Variants in PTGFRN observed in about 807,000 individuals in gnomAD.
The protein encoded by PTGFRN is prostaglandin F2 receptor inhibitor.
A neutral mutation model predicts 83.2 loss-of-function variants in PTGFRN; 35 were observed. The observed-to-expected ratio is 0.42, with a 90% confidence interval of 0.32 to 0.56. PTGFRN has a LOEUF of 0.56. Ranked by LOEUF, PTGFRN falls within the 20% of genes least tolerant of loss-of-function variation. The pLI is 0.11. For synonymous variants in PTGFRN, 519 were observed against 498.6 expected, an observed-to-expected ratio of 1.04 and a Z score of -0.55; for missense variants, 1,051 against 1,179.5, an observed-to-expected ratio of 0.89 and a Z score of 1.60.
At chr1:116,949,106 TAAAAG>T (rs1260221669) in intron 3 of PTGFRN, 81 bp from the exon 4 acceptor site, 3 of 1,482,838 alleles carry the variant, frequency 2.0e-6, no homozygotes, top group Admixed American at 2.3e-5. Flanking sequence ...AATAAGAACT[TAAAAG>T]GAGATGCTTT....
At chr1:116,916,389 T>C (rs1649406988) in intron 1 of PTGFRN, among the ~76,000 whole-genome samples, 1 of 152,116 alleles carries the variant, frequency 6.6e-6, no homozygotes, top group Admixed American at 6.5e-5. Flanking sequence ...CCTAATGAAA[T>C]AGAGATAGTG....
rs1419556485 is a variant in PTGFRN, at chr1:116,923,149, A to T, written c.49+12897A>T. On this transcript the variant is annotated intron_variant, in intron 1 of 8. Coordinates refer to ENST00000393203, the MANE Select transcript of PTGFRN (RefSeq NM_020440.4). This position sits in a 1 kb window ranked among gnomAD's most constrained non-coding sequence, Gnocchi z 4.0. ...CCGTAAGCAGCTCGAAAGCAGGATC[A>T]TGTCTGTTTTTGCTTACCCCAGCAT... 6.6e-6 allele frequency among the ~76,000 whole-genome samples: 1 copy of T among 152,186 alleles called. No homozygotes were observed. The highest frequency in any genetic ancestry group is 1.5e-5 in the Non-Finnish European group (1 of 68,014).
intron 3 of PTGFRN, 152 bp downstream of exon 3, chr1:116,945,244 T>C: frequency 9.7e-7 from 1 of 1,031,112 alleles, no homozygotes; most frequent in South Asian, 1.8e-5. Flanking sequence ...GGGAGTAGGG[T>C]GTTGAGAGGT....
At chr1:116,947,171 ATCC>A (rs1650221729) in intron 3 of PTGFRN, among the ~76,000 whole-genome samples, 1 of 152,312 alleles carries the variant, frequency 6.6e-6, no homozygotes, top group East Asian at 1.9e-4. Flanking sequence ...CACCTGCACT[ATCC>A]ATAGCTGGCT....
chr1:116,949,651 G>A, intron 4 of PTGFRN, 79 bp downstream of exon 4: 3 of 1,515,844 alleles, frequency 2.0e-6, no homozygotes, highest in Non-Finnish European at 2.6e-6. Context: ...TATCTCAGGA[G>A]GCTCTGCGCT....
In PTGFRN at chr1:116,909,947, C is replaced by T; in HGVS notation, c.-257C>T. On this transcript the variant is annotated 5_prime_UTR_variant, in exon 1 of 9. Transcript: ENST00000393203. ...TGCTTTCGGGAAGCGGTCGGGGCTG[C>T]ACACTCGGATCGGCGGGGCCGGCTC... The T allele has an allele frequency of 1.8e-6, 1 of 556,992 alleles. No homozygotes were observed. The highest frequency in any genetic ancestry group is 3.2e-6 in the Non-Finnish European group (1 of 315,456). The allele number at this position is 556,992 out of a possible 1,614,324, so 34.5% of individuals were successfully genotyped here. A position where few individuals can be genotyped will look rare whatever the true frequency, so the allele number is the denominator to read the frequency against.
chr1:116,967,773 A>T (rs1431382252), intron 6 of PTGFRN, among the ~76,000 whole-genome samples: 2 of 152,182 alleles, frequency 1.3e-5, no homozygotes, highest in Non-Finnish European at 2.9e-5. Flanking sequence ...GTTCATTTTT[A>T]TGACTGAATA....
chr1:116,942,740 A>G (rs1455489500), intron 2 of PTGFRN, among the ~76,000 whole-genome samples: 2 of 152,140 alleles, frequency 1.3e-5, no homozygotes, highest in African/African-American at 4.8e-5. Flanking sequence ...TGCAAATATT[A>G]CACCTTATGT....
chr1:116,922,769 G>A (rs975922243), intron 1 of PTGFRN, among the ~76,000 whole-genome samples: 2 of 152,222 alleles, frequency 1.3e-5, no homozygotes, highest in East Asian at 1.9e-4. Flanking sequence ...AGACAAAGAA[G>A]TGTGAAAACT....
At chr1:116,933,775 A>G (rs1649855171) in intron 1 of PTGFRN, among the ~76,000 whole-genome samples, 1 of 152,130 alleles carries the variant, frequency 6.6e-6, no homozygotes, top group African/African-American at 2.4e-5. Context: ...TCTCATGAGC[A>G]TCATTTCCGT....
rs1649454965 is a variant in PTGFRN, at chr1:116,918,207, A to G, written c.49+7955A>G. On this transcript the variant is annotated intron_variant, in intron 1 of 8. Coordinates refer to ENST00000393203, the MANE Select transcript of PTGFRN (RefSeq NM_020440.4). The surrounding 1 kb of genome is among the most constrained non-coding windows in gnomAD (Gnocchi z 4.1). ...AGCCTTACTTCATCTCCCAATTAAA[A>G]GAGGAAAAAATAGGATTCAGGCTTC... is the stretch of plus-strand genomic sequence containing the variant. 6.6e-6 allele frequency among the ~76,000 whole-genome samples: 1 copy of G among 152,208 alleles called. No homozygotes were observed. Among genetic ancestry groups the G allele is most frequent in the African/African-American group, 2.4e-5 (1 of 41,458 alleles).
At chr1:116,913,385 T>C (rs1317449659) in intron 1 of PTGFRN, among the ~76,000 whole-genome samples, 1 of 150,184 alleles carries the variant, frequency 6.7e-6, no homozygotes, top group Non-Finnish European at 1.5e-5. Context: ...GGCACGTAAG[T>C]TCCCTGTAGC....
rs895570390 is a variant in PTGFRN at position 116,952,029 on chromosome 1, A to C, written c.1213+2457A>C. Reference sequence around the variant, plus strand: ...ATGTTGTCACAGAAAAGTTTTCGAGAGAGTTGGTTTGCTACACAGGTAAAA... The same window carrying C: ...ATGTTGTCACAGAAAAGTTTTCGAGCGAGTTGGTTTGCTACACAGGTAAAA... On this transcript the variant is annotated intron_variant, in intron 4 of 8. Transcript: ENST00000393203. This position sits in a 1 kb window ranked among gnomAD's most constrained non-coding sequence, Gnocchi z 4.0. 1.4e-3 allele frequency among the ~76,000 whole-genome samples: 216 copies of C among 152,334 alleles called. 2 individuals are homozygous for C. Among genetic ancestry groups the C allele is most frequent in the African/African-American group, 4.8e-3 (201 of 41,576 alleles).
chr1:116,941,652 C>T lies in PTGFRN; in HGVS notation c.50-63C>T. 1 of 1,538,836 alleles carries T rather than the reference C, an allele frequency of 6.5e-7. No individual in the cohort carries two copies. The highest frequency in any genetic ancestry group is 8.7e-7 in the Non-Finnish European group (1 of 1,147,096). On this transcript the variant is annotated intron_variant, in intron 1 of 8. Transcript: ENST00000393203. The surrounding 1 kb of genome is among the most constrained non-coding windows in gnomAD (Gnocchi z 5.0). ...TGAGCAGGAGCATCCACAGGTTTGC[C>T]ACATTTGTCCTGGGAAGACTTTCTG... is the stretch of plus-strand genomic sequence containing the variant.
chr1:116,973,731 T>G (rs1248539047), intron 6 of PTGFRN, among the ~76,000 whole-genome samples: 1 of 152,182 alleles, frequency 6.6e-6, no homozygotes, highest in Non-Finnish European at 1.5e-5. Context: ...ATGTCTGTCT[T>G]CTTACCAGAT....
At chr1:116,974,593 CT>C in intron 7 of PTGFRN, 1 of 377,448 alleles carries the variant, frequency 2.6e-6, no homozygotes, top group Non-Finnish European at 4.7e-6. Context: ...CTATTTCAGG[CT>C]GATTTGAAAC....
intron 2 of PTGFRN, among the ~76,000 whole-genome samples, chr1:116,943,010 T>C (rs1650098149): frequency 6.6e-6 from 1 of 152,256 alleles, no homozygotes; most frequent in Non-Finnish European, 1.5e-5. Context: ...GTTGTTATTG[T>C]TACTTAATTA....
rs1237231829 is a variant in PTGFRN at position 116,988,569 on chromosome 1, C to A, written c.*1602C>A. The A allele has an allele frequency of 6.5e-6, 1 of 152,678 alleles. No individual in the cohort carries two copies. Among genetic ancestry groups the A allele is most frequent in the Non-Finnish European group, 1.5e-5 (1 of 68,070 alleles). 9.5% of individuals were successfully genotyped at this position (152,678 alleles called of 1,614,324 possible). Reference sequence around the variant, plus strand: ...CTCTTCCAAAGGGGAAAAAAAGATTCATTTGTTTTGAGCAATAAACTAATA... The same window carrying A: ...CTCTTCCAAAGGGGAAAAAAAGATTAATTTGTTTTGAGCAATAAACTAATA... On this transcript the variant is annotated 3_prime_UTR_variant, in exon 9 of 9. Coordinates refer to ENST00000393203, the MANE Select transcript of PTGFRN (RefSeq NM_020440.4).
At chr1:116,931,941 A>G (rs929939842) in intron 1 of PTGFRN, among the ~76,000 whole-genome samples, 10 of 152,216 alleles carry the variant, frequency 6.6e-5, no homozygotes, top group African/African-American at 2.2e-4. Flanking sequence ...CTTTAGTTTC[A>G]GCATTTCAAC....
Sources: allele counts gnomAD v4.1 joint callset (sites outside exome capture counted in the v4.1 genomes callset), GRCh38; gene constraint gnomAD v4.1.1; non-coding constraint Gnocchi (gnomAD v3.1); transcripts MANE v1.5; gene names NCBI Gene and HGNC (gene_info 2026-07-23, HGNC 2026-07-21).